Variants in MAP2K5 observed in about 807,000 individuals in gnomAD.
MAP2K5 encodes mitogen-activated protein kinase kinase 5.
MAP2K5 carries 49 observed loss-of-function variants against 83.1 expected under a neutral mutation model. The observed-to-expected ratio is 0.59, with a 90% CI of 0.47 to 0.75. The LOEUF is 0.75. Ranked by LOEUF, MAP2K5 falls within the 30% of genes least tolerant of loss-of-function variation. MAP2K5 has a pLI of 0.00. For missense variants in MAP2K5, 457 were observed against 557.5 expected, an observed-to-expected ratio of 0.82 and a Z score of 1.82; for synonymous variants, 202 against 191.8, an observed-to-expected ratio of 1.05 and a Z score of -0.44.
chr15:67,749,285 T>C lies in MAP2K5; in HGVS notation c.1134+684T>C, dbSNP rs1457155149. 1.3e-5 allele frequency among the ~76,000 whole-genome samples: 2 copies of C among 152,222 alleles called. No individual in the cohort carries two copies. The highest frequency in any genetic ancestry group is 1.3e-4 in the Admixed American group (2 of 15,278). On this transcript the variant is annotated intron_variant, in intron 19 of 21. Transcript: ENST00000178640. This position sits in a 1 kb window ranked among gnomAD's most constrained non-coding sequence, Gnocchi z 4.6. ...GTCTACTTCTTATTCTGACTTTAAA[T>C]TCCTTTTCTGTAAACCATCAATCTT...
chr15:67,570,454 C>G (rs1182174848), intron 3 of MAP2K5, among the ~76,000 whole-genome samples: 1 of 152,194 alleles, frequency 6.6e-6, no homozygotes, highest in Non-Finnish European at 1.5e-5. Context: ...GTAGTCTCCT[C>G]ATGACAGGAG....
intron 9 of MAP2K5, among the ~76,000 whole-genome samples, chr15:67,639,144 A>G (rs543174402): frequency 6.6e-6 from 1 of 152,336 alleles, no homozygotes; most frequent in South Asian, 2.1e-4. Flanking sequence ...TAATTAAACT[A>G]AAGAGCTGCA....
rs1209831060 is a variant in MAP2K5, at chr15:67,779,104, G to T, written c.1242+6352G>T. Among the ~76,000 whole-genome samples, 3 of 152,144 alleles carry T rather than the reference G, an allele frequency of 2.0e-5. No homozygotes were observed. The highest frequency in any genetic ancestry group is 2.0e-4 in the Admixed American group (3 of 15,274). On this transcript the variant is annotated intron_variant, in intron 21 of 21. Transcript: ENST00000178640. This position sits in a 1 kb window ranked among gnomAD's most constrained non-coding sequence, Gnocchi z 4.6. ...AGCTATGCCGCCCAGAATTTGCAGT[G>T]AGAAATACTGGCTGGGATTGTAACT...
Position 67,658,580 on chromosome 15 carries a change from T to A in MAP2K5, c.764T>A (p.Met255Lys). ...GGATCTTTGGATGTATATAGGAAAA[T>A]GCCAGAACATGTCCTTGGAAGAATT... ...DGGSLDVYRK[M>K]PEHVLGRIAV... The change falls in exon 12 of 22, where the codon ATG (methionine) becomes AAG (lysine). Residue 255 changes from methionine (M) to lysine (K), a missense_variant. This residue lies in a region of MAP2K5 where 168 missense variants were observed against 263.0 expected (regional missense o/e 0.64). Transcript: ENST00000178640. 2 of 1,612,334 alleles carry A rather than the reference T, an allele frequency of 1.2e-6. No individual in the cohort carries two copies. The highest frequency in any genetic ancestry group is 1.7e-6 in the Non-Finnish European group (2 of 1,178,764).
At chr15:67,726,126 A>T (rs192286323) in intron 16 of MAP2K5, among the ~76,000 whole-genome samples, 1 of 152,358 alleles carries the variant, frequency 6.6e-6, no homozygotes, top group South Asian at 2.1e-4. Context: ...ATCCATACAC[A>T]TATCAGTGTA....
Position 67,747,883 on chromosome 15 carries a change from A to T in MAP2K5, c.1075-348A>T, listed in dbSNP as rs907346971. On this transcript the variant is annotated intron_variant, in intron 17 of 21. Transcript: ENST00000178640. This position sits in a 1 kb window ranked among gnomAD's most constrained non-coding sequence, Gnocchi z 4.1. Reference sequence around the variant, plus strand: ...ATTTAAAAAGAGTGAGCTTCGTAACATTAGCAATGATTGCAACATTAAGCC... The same window carrying T: ...ATTTAAAAAGAGTGAGCTTCGTAACTTTAGCAATGATTGCAACATTAAGCC... Among the ~76,000 whole-genome samples the T allele has an allele frequency of 2.6e-5, 4 of 152,262 alleles. No individual in the cohort carries two copies. Among genetic ancestry groups the T allele is most frequent in the Non-Finnish European group, 5.9e-5 (4 of 68,046 alleles).
In MAP2K5 at chr15:67,738,209, CA is replaced by C. The variant is rs1485258378; in HGVS notation, c.1075-10019del. Reference sequence around the variant, plus strand: ...CCTACAGGTTCAGAGGAGGAGAGACCAAAGGGGTAATGAAGCTTGTCTTGTT... The same window carrying C: ...CCTACAGGTTCAGAGGAGGAGAGACCAAGGGGTAATGAAGCTTGTCTTGTT... On this transcript the variant is annotated intron_variant, in intron 17 of 21. Coordinates refer to ENST00000178640, the MANE Select transcript of MAP2K5 (RefSeq NM_145160.3). This position sits in a 1 kb window ranked among gnomAD's most constrained non-coding sequence, Gnocchi z 4.1. Among the ~76,000 whole-genome samples the C allele has an allele frequency of 1.3e-5, 2 of 152,068 alleles. No homozygotes were observed. Among genetic ancestry groups the C allele is most frequent in the Non-Finnish European group, 2.9e-5 (2 of 68,022 alleles).
At chr15:67,804,393 G>A (rs1006380582) in intron 21 of MAP2K5, among the ~76,000 whole-genome samples, 2 of 152,234 alleles carry the variant, frequency 1.3e-5, no homozygotes, top group African/African-American at 4.8e-5. Flanking sequence ...TGCAGGTGGG[G>A]TAAAGTATCG....
At position 67,760,712 on chromosome 15, in the gene MAP2K5, A is replaced by C. The variant is rs1300352431; in HGVS notation, c.1135-8890A>C. Among the ~76,000 whole-genome samples, 1 of 152,044 alleles carries C rather than the reference A, an allele frequency of 6.6e-6. No individual in the cohort carries two copies. Among genetic ancestry groups the C allele is most frequent in the Non-Finnish European group, 1.5e-5 (1 of 68,018 alleles). On this transcript the variant is annotated intron_variant, in intron 19 of 21. Transcript: ENST00000178640. This position sits in a 1 kb window ranked among gnomAD's most constrained non-coding sequence, Gnocchi z 4.1. Reference sequence around the variant, plus strand: ...TAATGAATTAATTTCTTGGTGGTGGAGGCCTGTGAATAGCGGTCTGTGAAT... The same window carrying C: ...TAATGAATTAATTTCTTGGTGGTGGCGGCCTGTGAATAGCGGTCTGTGAAT...
At chr15:67,630,067 G>A (rs2086431745) in intron 8 of MAP2K5, among the ~76,000 whole-genome samples, 1 of 152,090 alleles carries the variant, frequency 6.6e-6, no homozygotes, top group African/African-American at 2.4e-5. Context: ...CAGAGACCCT[G>A]TCTCTACAAA....
chr15:67,585,076 CAAA>C (rs59012209), intron 4 of MAP2K5, among the ~76,000 whole-genome samples: 7 of 122,170 alleles, frequency 5.7e-5, no homozygotes, highest in Non-Finnish European at 3.3e-5. Flanking sequence ...GAGAGAGGAG[CAAA>C]AAAAAAAAAA....
chr15:67,549,160 G>T, intron 1 of MAP2K5: 1 of 1,535,652 alleles, frequency 6.5e-7, no homozygotes. Context: ...AGGTTTGCAG[G>T]CCATTGGAGT....
At chr15:67,600,636 T>A in intron 7 of MAP2K5, 49 bp from the exon 8 acceptor site, 3 of 1,485,468 alleles carry the variant, frequency 2.0e-6, no homozygotes, top group Non-Finnish European at 2.8e-6. Flanking sequence ...CCTTGACATT[T>A]CCATCCACAG....
intron 6 of MAP2K5, among the ~76,000 whole-genome samples, chr15:67,592,698 C>T (rs2085439809): frequency 6.6e-6 from 1 of 152,190 alleles, no homozygotes; most frequent in Non-Finnish European, 1.5e-5. Flanking sequence ...TTCATCTTGA[C>T]TGTAGGCTTC....
chr15:67,673,065 C>G (rs974032072), intron 13 of MAP2K5, among the ~76,000 whole-genome samples: 1 of 152,092 alleles, frequency 6.6e-6, no homozygotes, highest in African/African-American at 2.4e-5. Flanking sequence ...TTTACTGTAG[C>G]CTTGTAGTAT....
Position 67,565,866 on chromosome 15 carries a change from TC to T in MAP2K5, c.252+2519del, listed in dbSNP as rs2084826291. Among the ~76,000 whole-genome samples, 1 of 152,202 alleles carries T rather than the reference TC, an allele frequency of 6.6e-6. No homozygotes were observed. The highest frequency in any genetic ancestry group is 1.5e-5 in the Non-Finnish European group (1 of 68,026). On this transcript the variant is annotated intron_variant, in intron 3 of 21. Coordinates refer to ENST00000178640, the MANE Select transcript of MAP2K5 (RefSeq NM_145160.3). This position sits in a 1 kb window ranked among gnomAD's most constrained non-coding sequence, Gnocchi z 4.1. ...CTCAAGTGGTCCTCCTGCCTCAGCC[TC>T]CCAAGGTGCTGGAATTACAGGCGTG...
chr15:67,670,514 CAGATTTACAG>C, intron 13 of MAP2K5: 1 of 452,298 alleles, frequency 2.2e-6, no homozygotes, highest in African/African-American at 2.0e-5. Context: ...AAAAGTAAAC[CAGATTTACAG>C]AGAAAAGCTC....
rs2141293327 is a variant in MAP2K5 at position 67,764,163 on chromosome 15, TCA to T, written c.1135-5437_1135-5436del. ...ACCACAGTACAGCTGACCTCAGAAT[TCA>T]CCAGTGCAGCCAACACCTTGAGATA... On this transcript the variant is annotated intron_variant, in intron 19 of 21. Coordinates refer to ENST00000178640, the MANE Select transcript of MAP2K5 (RefSeq NM_145160.3). This position sits in a 1 kb window ranked among gnomAD's most constrained non-coding sequence, Gnocchi z 4.9. 6.6e-6 allele frequency among the ~76,000 whole-genome samples: 1 copy of T among 152,320 alleles called. No individual in the cohort carries two copies. Among genetic ancestry groups the T allele is most frequent in the African/African-American group, 2.4e-5 (1 of 41,560 alleles).
At position 67,628,548 on chromosome 15, in the gene MAP2K5, A is replaced by G. The variant is rs1022980766; in HGVS notation, c.546-2340A>G. 1.0e-5 allele frequency: 10 copies of G among 981,768 alleles called. No homozygotes were observed. The Admixed American group carries it at 1.5e-4, about 15-fold the overall frequency. The allele number at this position is 981,768 out of a possible 1,614,324, so 60.8% of individuals were successfully genotyped here. ...ATCACCTAAGAGATTATTTTGAATAATATGGAAAAATTGAAGTGATTGAAA... is the reference window on the plus strand; with the variant it reads ...ATCACCTAAGAGATTATTTTGAATAGTATGGAAAAATTGAAGTGATTGAAA... On this transcript the variant is annotated intron_variant, in intron 8 of 21. Transcript: ENST00000178640.
Sources: gnomAD v4.1 joint callset for allele counts (sites outside exome capture counted in the v4.1 genomes callset) on GRCh38, gnomAD v4.1.1 for gene constraint, gnomAD v4.1.1 regional missense constraint, Gnocchi (gnomAD v3.1) non-coding constraint, MANE v1.5 for transcripts, NCBI Gene and HGNC (gene_info 2026-07-23, HGNC 2026-07-21) for gene names.